Variants in ZFPM2 observed in about 807,000 individuals in gnomAD.
The protein encoded by ZFPM2 is zinc finger protein ZFPM2.
In ZFPM2, 20 loss-of-function variants were observed where a neutral mutation model predicts 98.6. The observed-to-expected ratio is 0.20, with a 90% confidence interval of 0.14 to 0.29. ZFPM2 has a LOEUF of 0.29. Ranked by LOEUF, ZFPM2 falls within the 10% of genes least tolerant of loss-of-function variation. ZFPM2 has a pLI of 1.00. For missense variants in ZFPM2, 1,310 were observed against 1,388.6 expected (o/e 0.94, Z 0.90); for synonymous variants, 518 against 502.7 (o/e 1.03, Z -0.41).
chr8:105,468,674 A>T (rs1229641311), intron 3 of ZFPM2, among the ~76,000 whole-genome samples: 1 of 151,870 alleles, frequency 6.6e-6, no homozygotes, highest in Non-Finnish European at 1.5e-5. Context: ...CACCAGGAAA[A>T]ATAATAGCTT....
chr8:105,469,329 A>G (rs2130339958), intron 3 of ZFPM2, among the ~76,000 whole-genome samples: 1 of 152,268 alleles, frequency 6.6e-6, no homozygotes, highest in South Asian at 2.1e-4. Context: ...ATTTCCTGTA[A>G]TGATCTCTTC....
chr8:105,448,488 C>G (rs1812421333), intron 3 of ZFPM2, among the ~76,000 whole-genome samples: 2 of 151,888 alleles, frequency 1.3e-5, no homozygotes, highest in Admixed American at 1.3e-4. Context: ...GGGAGAAGTT[C>G]AAGGTGTAAC....
At chr8:105,440,545 A>G (rs1412167159) in intron 2 of ZFPM2, among the ~76,000 whole-genome samples, 1 of 152,150 alleles carries the variant, frequency 6.6e-6, no homozygotes, top group Non-Finnish European at 1.5e-5. Context: ...CACTGGGTTT[A>G]ACTAAAGGCA....
chr8:105,764,369 T>G (rs990239652), intron 5 of ZFPM2, among the ~76,000 whole-genome samples: 2 of 151,534 alleles, frequency 1.3e-5, no homozygotes, highest in Admixed American at 6.6e-5. Flanking sequence ...AAAATTAATT[T>G]GCAGAAGCAA....
chr8:105,374,382 TTAAG>T, intron 1 of ZFPM2, among the ~76,000 whole-genome samples: 1 of 152,308 alleles, frequency 6.6e-6, no homozygotes, highest in Non-Finnish European at 1.5e-5. Context: ...ATTATGTTAC[TTAAG>T]TATGAGTTTT....
intron 3 of ZFPM2, among the ~76,000 whole-genome samples, chr8:105,504,350 T>C (rs1813654521): frequency 6.6e-6 from 1 of 152,164 alleles, no homozygotes; most frequent in Non-Finnish European, 1.5e-5. Context: ...GCCATCACCA[T>C]TAACAAGTAT....
chr8:105,600,196 A>G (rs948515051), intron 4 of ZFPM2, among the ~76,000 whole-genome samples: 1 of 152,132 alleles, frequency 6.6e-6, no homozygotes, highest in African/African-American at 2.4e-5. Context: ...AGATGTTCCT[A>G]AAACACAAAG....
intron 1 of ZFPM2, among the ~76,000 whole-genome samples, chr8:105,391,674 T>C: frequency 6.6e-6 from 1 of 152,234 alleles, no homozygotes; most frequent in East Asian, 1.9e-4. Context: ...TACTTTTTTG[T>C]GCTCATCTTT....
chr8:105,419,693 C>G (rs74401012), intron 2 of ZFPM2, among the ~76,000 whole-genome samples: 2 of 152,156 alleles, frequency 1.3e-5, no homozygotes, highest in African/African-American at 2.4e-5. Flanking sequence ...AGAGAGTTCT[C>G]AACTAAGGTT....
chr8:105,644,283 CTTT>C (rs749074804), intron 5 of ZFPM2, among the ~76,000 whole-genome samples: 196 of 138,554 alleles, frequency 1.4e-3, no homozygotes, highest in African/African-American at 3.8e-3. Context: ...TCTTTCTTTT[CTTT>C]TTTTTTTTTT....
intron 5 of ZFPM2, among the ~76,000 whole-genome samples, chr8:105,710,410 A>G (rs1454325814): frequency 1.3e-5 from 2 of 152,120 alleles, no homozygotes; most frequent in African/African-American, 4.8e-5. Flanking sequence ...ACTTCTGCCT[A>G]GATTTCATTG....
At chr8:105,408,917 A>G (rs951134609) in intron 1 of ZFPM2, among the ~76,000 whole-genome samples, 8 of 150,150 alleles carry the variant, frequency 5.3e-5, no homozygotes, top group African/African-American at 2.0e-4. Context: ...TTAGCCACGT[A>G]TGTGGGTTAA....
At chr8:105,655,959 C>T (rs776826548) in intron 5 of ZFPM2, among the ~76,000 whole-genome samples, 22 of 150,674 alleles carry the variant, frequency 1.5e-4, no homozygotes, top group Middle Eastern at 3.2e-3. Flanking sequence ...TTTTTTCTTT[C>T]TTGCATTAAT....
chr8:105,394,146 GC>G (rs1246536185), intron 1 of ZFPM2, among the ~76,000 whole-genome samples: 1 of 152,046 alleles, frequency 6.6e-6, no homozygotes, highest in Non-Finnish European at 1.5e-5. Context: ...GCCCGCCTCG[GC>G]CTCCCAAAGT....
At chr8:105,417,576 A>C (rs1811703434) in intron 1 of ZFPM2, among the ~76,000 whole-genome samples, 1 of 152,170 alleles carries the variant, frequency 6.6e-6, no homozygotes, top group Non-Finnish European at 1.5e-5. Context: ...GAAATTATCA[A>C]ATAAATGGTT....
rs540473663 is a variant in ZFPM2, at chr8:105,646,065, A to G, written c.532+11708A>G. Among the ~76,000 whole-genome samples the G allele has an allele frequency of 2.0e-4, 28 of 137,870 alleles. No individual in the cohort carries two copies. In the East Asian group the frequency reaches 2.4e-3, roughly 12 times the overall value. The allele number at this position is 137,870 out of a possible 152,430, so 90.4% of individuals were successfully genotyped here. On this transcript the variant is annotated intron_variant, in intron 5 of 7. Transcript: ENST00000407775. ...GACTCCATCTGGAAAAAAAAAAAAA[A>G]AAAGAAAGAAAGGAGAAACATGCAT...
intron 4 of ZFPM2, among the ~76,000 whole-genome samples, chr8:105,569,163 G>A (rs1448336227): frequency 6.6e-6 from 1 of 152,114 alleles, no homozygotes; most frequent in Admixed American, 6.6e-5. Context: ...ATAACTGTGA[G>A]CTCCTGTTTG....
chr8:105,755,221 C>T (rs1339505027), intron 5 of ZFPM2, among the ~76,000 whole-genome samples: 3 of 151,898 alleles, frequency 2.0e-5, no homozygotes, highest in African/African-American at 7.3e-5. Context: ...AATGATTTTC[C>T]AACGCAAGTT....
At chr8:105,369,523 G>A (rs550459108) in intron 1 of ZFPM2, among the ~76,000 whole-genome samples, 2 of 152,196 alleles carry the variant, frequency 1.3e-5, no homozygotes, top group South Asian at 4.1e-4. Context: ...TATGGACAGA[G>A]TTAGTTACTA....
Sources: gnomAD v4.1 joint callset for allele counts (sites outside exome capture counted in the v4.1 genomes callset) on GRCh38, gnomAD v4.1.1 for gene constraint, MANE v1.5 for transcripts, NCBI Gene and HGNC (gene_info 2026-07-23, HGNC 2026-07-21) for gene names.